The following THSD7B variants were observed in gnomAD, a reference collection of about 807,000 sequenced individuals.
THSD7B encodes thrombospondin type 1 domain containing 7B.
Under a neutral mutation model 213.6 loss-of-function variants are expected in THSD7B, and 138 were observed. That is an observed-to-expected ratio of 0.65 (90% CI 0.56 to 0.74). THSD7B has a LOEUF of 0.74. Among genes scored for constraint, THSD7B ranks in the 30% least tolerant of loss-of-function variants. The pLI, the probability that THSD7B is intolerant of heterozygous loss-of-function variation, is 0.00. For synonymous variants in THSD7B, 742 were observed against 687.0 expected (o/e 1.08, Z -1.25); for missense variants, 1,931 against 1,991.5 (o/e 0.97, Z 0.58).
At chr2:137,356,189 A>T (rs1262444470) in intron 12 of THSD7B, among the ~76,000 whole-genome samples, 2 of 152,136 alleles carry the variant, frequency 1.3e-5, no homozygotes, top group African/African-American at 4.8e-5. Flanking sequence ...AAATTTGCAT[A>T]TCTTTATGCT....
At chr2:136,779,365 A>G (rs1558802293) in intron 1 of THSD7B, among the ~76,000 whole-genome samples, 1 of 152,074 alleles carries the variant, frequency 6.6e-6, no homozygotes, top group Non-Finnish European at 1.5e-5. Context: ...TAGAAAGACA[A>G]GTGTCTTTGT....
At chr2:137,012,440 A>G (rs1396867538) in intron 2 of THSD7B, among the ~76,000 whole-genome samples, 2 of 152,238 alleles carry the variant, frequency 1.3e-5, no homozygotes, top group African/African-American at 2.4e-5. Flanking sequence ...ATGTATGGAA[A>G]GATGCATCTA....
chr2:137,387,623 A>G (rs564192236), intron 12 of THSD7B, among the ~76,000 whole-genome samples: 7 of 152,298 alleles, frequency 4.6e-5, no homozygotes, highest in African/African-American at 7.2e-5. Flanking sequence ...TCCCAATAGT[A>G]TAGTATAGTA....
At chr2:137,575,742 A>ATATATATATATATATATATATATTTT (rs1235744133) in intron 17 of THSD7B, among the ~76,000 whole-genome samples, 93 of 147,344 alleles carry the variant, frequency 6.3e-4, no homozygotes, top group South Asian at 5.2e-3. Flanking sequence ...ATATATATAT[A>ATATATATATATATATATATATATTTT]TTTTTACTTT....
At position 137,419,490 on chromosome 2, in the gene THSD7B, C is replaced by T. The variant is rs539191207; in HGVS notation, c.2959+7618C>T. On this transcript the variant is annotated intron_variant, in intron 14 of 27. Transcript: ENST00000409968. ...TCTGCAGAGATGGGATGCCAAGGTGCCCCCCACCTGAAGTCAGGTCATCTC... is the reference window on the plus strand; with the variant it reads ...TCTGCAGAGATGGGATGCCAAGGTGTCCCCCACCTGAAGTCAGGTCATCTC... Among the ~76,000 whole-genome samples the T allele has an allele frequency of 2.7e-5, 4 of 150,858 alleles. No homozygotes were observed. The South Asian group carries it at 8.6e-4, about 32-fold the overall frequency.
intron 13 of THSD7B, among the ~76,000 whole-genome samples, chr2:137,408,714 C>A (rs146896205): frequency 6.6e-6 from 1 of 152,190 alleles, no homozygotes; most frequent in African/African-American, 2.4e-5. Context: ...CTTCAGGGGA[C>A]AATTGTTTCC....
At chr2:136,821,425 T>A in intron 1 of THSD7B, among the ~76,000 whole-genome samples, 1 of 152,242 alleles carries the variant, frequency 6.6e-6, no homozygotes, top group East Asian at 1.9e-4. Flanking sequence ...TCCTCTGGAA[T>A]GTGTCTGCAG....
intron 14 of THSD7B, among the ~76,000 whole-genome samples, chr2:137,414,197 G>A (rs1686739662): frequency 6.6e-6 from 1 of 152,064 alleles, no homozygotes; most frequent in Non-Finnish European, 1.5e-5. Context: ...TGAAAATCAT[G>A]CTTTAATCAA....
At chr2:137,585,635 G>A (rs1244274084) in intron 17 of THSD7B, among the ~76,000 whole-genome samples, 2 of 152,154 alleles carry the variant, frequency 1.3e-5, no homozygotes, top group Non-Finnish European at 2.9e-5. Flanking sequence ...CAGTATCCAT[G>A]TAGTTGAGTG....
intron 12 of THSD7B, among the ~76,000 whole-genome samples, chr2:137,354,894 T>G (rs1207859073): frequency 2.0e-5 from 3 of 152,072 alleles, no homozygotes; most frequent in Non-Finnish European, 4.4e-5. Flanking sequence ...CATTTTCATT[T>G]TATCTAAAAT....
intron 27 of THSD7B, among the ~76,000 whole-genome samples, chr2:137,670,524 G>A (rs892010387): frequency 6.6e-6 from 1 of 152,042 alleles, no homozygotes; most frequent in Non-Finnish European, 1.5e-5. Context: ...CTTTGATTTC[G>A]ATAAGAGAGT....
At chr2:136,881,589 T>A (rs2104990943) in intron 1 of THSD7B, among the ~76,000 whole-genome samples, 1 of 152,228 alleles carries the variant, frequency 6.6e-6, no homozygotes. Flanking sequence ...AGAAACTTAC[T>A]TGATTTTTTG....
rs546113428 is a variant in THSD7B, at chr2:136,969,982, G to A, written c.140-86438G>A. On this transcript the variant is annotated intron_variant, in intron 2 of 27. Coordinates refer to ENST00000409968, the MANE Select transcript of THSD7B (RefSeq NM_001316349.2). The stretch of plus-strand genomic sequence containing the variant: ...CCTACAAAAGGAATCTGAAGGAAGC[G>A]CAGGCAATGTGGTTAAAAAAGAAAA... Among the ~76,000 whole-genome samples, 5 of 152,230 alleles carry A rather than the reference G, an allele frequency of 3.3e-5. No homozygotes were observed. The South Asian group carries it at 6.2e-4, about 19-fold the overall frequency.
intron 14 of THSD7B, among the ~76,000 whole-genome samples, chr2:137,412,690 CAA>C (rs1686692917): frequency 8.3e-6 from 1 of 121,038 alleles, no homozygotes; most frequent in African/African-American, 3.0e-5. Context: ...AGGAAAAAAA[CAA>C]GAGACAATCT....
intron 15 of THSD7B, among the ~76,000 whole-genome samples, chr2:137,487,714 A>C (rs968835590): frequency 6.6e-5 from 10 of 150,378 alleles, no homozygotes; most frequent in African/African-American, 2.5e-4. Flanking sequence ...AAAATCTAGA[A>C]GAAATATTTT....
intron 2 of THSD7B, among the ~76,000 whole-genome samples, chr2:137,031,252 G>A (rs1686659667): frequency 6.6e-6 from 1 of 152,192 alleles, no homozygotes; most frequent in Non-Finnish European, 1.5e-5. Flanking sequence ...GGCTGAGGCA[G>A]GAGAATCACT....
intron 12 of THSD7B, among the ~76,000 whole-genome samples, chr2:137,380,819 A>G (rs1685757829): frequency 6.6e-6 from 1 of 152,246 alleles, no homozygotes; most frequent in Admixed American, 6.5e-5. Context: ...CACATTATGT[A>G]ACCACACCAC....
chr2:137,107,185 C>A (rs1187313262), intron 4 of THSD7B, among the ~76,000 whole-genome samples: 5 of 152,166 alleles, frequency 3.3e-5, no homozygotes, highest in African/African-American at 9.7e-5. Flanking sequence ...AGCACATATA[C>A]AACATGGAAT....
At chr2:137,154,819 A>C (rs917278837) in intron 5 of THSD7B, among the ~76,000 whole-genome samples, 25 of 152,304 alleles carry the variant, frequency 1.6e-4, no homozygotes, top group African/African-American at 5.5e-4. Flanking sequence ...GTCATTAAGG[A>C]AAATGGTAAA....
Sources: gnomAD v4.1 joint callset for allele counts (sites outside exome capture counted in the v4.1 genomes callset) on GRCh38, gnomAD v4.1.1 for gene constraint, MANE v1.5 for transcripts, NCBI Gene and HGNC (gene_info 2026-07-23, HGNC 2026-07-21) for gene names.